The following CSMD1 variants were observed in gnomAD, a reference collection of about 807,000 sequenced individuals.
CSMD1 encodes the protein CUB and Sushi multiple domains 1, also known as CUB and sushi domain-containing protein 1.
CSMD1 carries 213 observed loss-of-function variants against 417.5 expected under a neutral mutation model. That is an observed-to-expected ratio of 0.51 (90% CI 0.46 to 0.57). The LOEUF is 0.57. Ranked by LOEUF, CSMD1 falls within the 20% of genes least tolerant of loss-of-function variation. The pLI, the probability that CSMD1 is intolerant of heterozygous loss-of-function variation, is 0.00. For missense variants in CSMD1, 6,923 were observed against 4,529.7 expected, an observed-to-expected ratio of 1.53 and a Z score of -15.17; for synonymous variants, 2,862 against 1,736.8, an observed-to-expected ratio of 1.65 and a Z score of -16.11.
At chr8:4,546,295 G>A (rs757170062) in intron 2 of CSMD1, among the ~76,000 whole-genome samples, 8 of 152,122 alleles carry the variant, frequency 5.3e-5, no homozygotes, top group Admixed American at 2.0e-4. Context: ...TTTCCTCTCC[G>A]GCCATTTATG....
At chr8:3,588,235 C>A (rs576458334) in intron 8 of CSMD1, among the ~76,000 whole-genome samples, 1 of 151,694 alleles carries the variant, frequency 6.6e-6, no homozygotes. Flanking sequence ...AGTACCAAAG[C>A]GGCAGAAGTG....
At chr8:3,501,792 A>G (rs189357736) in intron 10 of CSMD1, among the ~76,000 whole-genome samples, 3 of 152,370 alleles carry the variant, frequency 2.0e-5, no homozygotes, top group Admixed American at 2.0e-4. Context: ...TTCTTAGAAA[A>G]TAAATATTAT....
chr8:3,591,466 A>C (rs954237527), intron 8 of CSMD1, among the ~76,000 whole-genome samples: 1 of 152,206 alleles, frequency 6.6e-6, no homozygotes, highest in African/African-American at 2.4e-5. Context: ...TTGAGAACTT[A>C]TTAAACATTG....
intron 4 of CSMD1, among the ~76,000 whole-genome samples, chr8:4,031,506 A>G (rs1449730676): frequency 6.6e-6 from 1 of 152,296 alleles, no homozygotes; most frequent in African/African-American, 2.4e-5. Context: ...ACCTTCTACC[A>G]GGTTCCTCCC....
chr8:4,738,799 T>C (rs1363334244), intron 1 of CSMD1, among the ~76,000 whole-genome samples: 1 of 152,144 alleles, frequency 6.6e-6, no homozygotes, highest in Non-Finnish European at 1.5e-5. Flanking sequence ...ATAAGATGGA[T>C]GCCCCTGTCT....
Position 3,471,406 on chromosome 8 carries a change from T to C in CSMD1, c.1449-2582A>G, listed in dbSNP as rs984344159. ...AAATATAGTCAATTTTGGTTCCACA[T>C]GCAATTACAACAAATTATATTCCAT... On this transcript the variant is annotated intron_variant, in intron 11 of 69. Transcript: ENST00000635120. 9.2e-5 allele frequency among the ~76,000 whole-genome samples: 14 copies of C among 152,190 alleles called. 1 individual carries two copies. The highest frequency in any genetic ancestry group is 3.4e-4 in the African/African-American group (14 of 41,452).
At chr8:4,505,842 C>T (rs1041976842) in intron 2 of CSMD1, among the ~76,000 whole-genome samples, 3 of 151,894 alleles carry the variant, frequency 2.0e-5, no homozygotes, top group Non-Finnish European at 4.4e-5. Flanking sequence ...ACTCTGTCAC[C>T]CACAATAGAG....
chr8:3,416,374 T>C (rs890011289), intron 12 of CSMD1, among the ~76,000 whole-genome samples: 5 of 128,030 alleles, frequency 3.9e-5, no homozygotes, highest in African/African-American at 1.5e-4. Flanking sequence ...ACAAAACAAA[T>C]AACAGAGGAC....
intron 1 of CSMD1, among the ~76,000 whole-genome samples, chr8:4,668,785 C>G (rs1056646359): frequency 6.6e-6 from 1 of 152,098 alleles, no homozygotes; most frequent in Non-Finnish European, 1.5e-5. Flanking sequence ...CTTCCTTAAT[C>G]CCTCAATGAA....
At chr8:3,835,182 T>G (rs532798241) in intron 5 of CSMD1, among the ~76,000 whole-genome samples, 1 of 148,680 alleles carries the variant, frequency 6.7e-6, no homozygotes, top group Non-Finnish European at 1.5e-5. Context: ...GATCTAGAAC[T>G]AGAAATACCA....
chr8:3,889,465 A>C (rs1806797926), intron 5 of CSMD1, among the ~76,000 whole-genome samples: 2 of 96,494 alleles, frequency 2.1e-5, no homozygotes, highest in South Asian at 8.2e-4. Context: ...ATATATATAT[A>C]TATATATATA....
chr8:4,624,386 G>C (rs1164855618), intron 2 of CSMD1, among the ~76,000 whole-genome samples: 3 of 152,106 alleles, frequency 2.0e-5, no homozygotes, highest in African/African-American at 4.8e-5. Flanking sequence ...GACTCAACCA[G>C]TTTTGGGGTC....
chr8:4,565,157 T>A (rs1798529623), intron 2 of CSMD1, among the ~76,000 whole-genome samples: 1 of 152,232 alleles, frequency 6.6e-6, no homozygotes, highest in African/African-American at 2.4e-5. Flanking sequence ...CTCAGACTGA[T>A]TTGACTTTCC....
intron 1 of CSMD1, among the ~76,000 whole-genome samples, chr8:4,759,011 G>A (rs1038527060): frequency 6.6e-6 from 1 of 151,068 alleles, no homozygotes; most frequent in Non-Finnish European, 1.5e-5. Flanking sequence ...TCTTAAATAA[G>A]GTTCCCCAGG....
intron 1 of CSMD1, among the ~76,000 whole-genome samples, chr8:4,986,799 A>G (rs1016565246): frequency 1.3e-5 from 2 of 149,572 alleles, no homozygotes; most frequent in African/African-American, 5.1e-5. Context: ...AAATCTTCTG[A>G]ATTAATTGCA....
intron 36 of CSMD1, among the ~76,000 whole-genome samples, chr8:3,185,217 G>A (rs1015221507): frequency 1.3e-5 from 2 of 152,214 alleles, no homozygotes; most frequent in Non-Finnish European, 2.9e-5. Flanking sequence ...CTAACTCCAG[G>A]AAATTAGCGT....
intron 7 of CSMD1, 56 bp from the exon 8 acceptor site, chr8:3,616,853 G>C (rs966825076): frequency 2.4e-6 from 3 of 1,260,382 alleles, no homozygotes; most frequent in South Asian, 1.4e-5. Flanking sequence ...GAAATACCCA[G>C]ATAAAAAATT....
intron 39 of CSMD1, 137 bp downstream of exon 39, chr8:3,157,760 C>T (rs752720545): frequency 1.1e-4 from 74 of 680,370 alleles, no homozygotes; most frequent in Non-Finnish European, 1.8e-4. Context: ...TGCTCTACTG[C>T]ATTATGTGCT....
At chr8:3,564,930 G>C (rs536820579) in intron 10 of CSMD1, among the ~76,000 whole-genome samples, 1 of 151,672 alleles carries the variant, frequency 6.6e-6, no homozygotes, top group East Asian at 2.0e-4. Context: ...GAGTTGACAA[G>C]GACACAATCA....
Sources: gnomAD v4.1 joint callset for allele counts (sites outside exome capture counted in the v4.1 genomes callset) on GRCh38, gnomAD v4.1.1 for gene constraint, MANE v1.5 for transcripts, NCBI Gene and HGNC (gene_info 2026-07-23, HGNC 2026-07-21) for gene names.